Variants in MSANTD7 observed in about 807,000 individuals in gnomAD.
The protein encoded by MSANTD7 is Myb/SANT DNA binding domain containing 7, also known as zinc finger and SCAN domain containing 29.
chr10:14,845,587 CTAT>C, the MSANTD7 span: 20 of 928,362 alleles, frequency 2.2e-5, no homozygotes, highest in African/African-American at 2.5e-4. Context: ...TTGCCCTTTT[CTAT>C]TATTATTATT....
chr10:14,842,370 A>G, the MSANTD7 span: 2 of 1,536,174 alleles, frequency 1.3e-6, no homozygotes, highest in Non-Finnish European at 1.7e-6. The surrounding 1 kb of genome is among the most constrained non-coding windows in gnomAD (Gnocchi z 5.2). Context: ...GAGGCAGAGT[A>G]TATTCAGCGC....
At chr10:14,843,335 A>T in the MSANTD7 span, 3 of 1,549,866 alleles carry the variant, frequency 1.9e-6, no homozygotes, top group African/African-American at 4.1e-5. Context: ...CTTAGCAGGA[A>T]TGTTCTCTTT....
the MSANTD7 span, chr10:14,845,655 G>A: frequency 4.1e-6 from 2 of 490,232 alleles, no homozygotes; most frequent in South Asian, 8.7e-5. Flanking sequence ...GTGCAGTGGT[G>A]CAATCTTGGC....
chr10:14,843,554 G>A, the MSANTD7 span: 1 of 1,550,674 alleles, frequency 6.4e-7, no homozygotes, highest in East Asian at 2.4e-5. Flanking sequence ...TCCTCTTCGA[G>A]AGCTGGTTTT....
chr10:14,838,608 G>T, the MSANTD7 span: 1 of 725,050 alleles, frequency 1.4e-6, no homozygotes, highest in South Asian at 2.0e-5. Flanking sequence ...GCGAAGGGCC[G>T]GGCAGGCCCG....
At chr10:14,839,566 G>A in the MSANTD7 span, among the ~76,000 whole-genome samples, 29 of 149,268 alleles carry the variant, frequency 1.9e-4, no homozygotes, top group South Asian at 2.3e-3. Context: ...GCAAGACTCC[G>A]TGTCCAAAAA....
chr10:14,839,592 T>C, the MSANTD7 span, among the ~76,000 whole-genome samples: 2 of 144,350 alleles, frequency 1.4e-5, no homozygotes, highest in Admixed American at 1.4e-4. Flanking sequence ...AAAAAAGAAA[T>C]GGTAATGGTA....
At chr10:14,840,195 G>T in the MSANTD7 span, 1 of 992,344 alleles carries the variant, frequency 1.0e-6, no homozygotes. Context: ...ATGGTAATAG[G>T]AACATGTTCA....
At chr10:14,844,392 A>T in the MSANTD7 span, 2 of 995,190 alleles carry the variant, frequency 2.0e-6, no homozygotes, top group Non-Finnish European at 2.4e-6. Context: ...ATATACTGTG[A>T]CTTCATTGCT....
chr10:14,843,714 G>T, the MSANTD7 span: 1 of 1,538,838 alleles, frequency 6.5e-7, no homozygotes. Flanking sequence ...AAGAAAAACT[G>T]GACAGGCTGA....
At chr10:14,840,054 ATATATTAT>A in the MSANTD7 span, 1 of 1,209,716 alleles carries the variant, frequency 8.3e-7, no homozygotes, top group Non-Finnish European at 1.1e-6. Flanking sequence ...ATATATATAT[ATATATTAT>A]TTTTTTTTTC....
chr10:14,843,870 G>A, the MSANTD7 span: 6 of 1,536,414 alleles, frequency 3.9e-6, 1 homozygote, highest in South Asian at 7.1e-5. Flanking sequence ...TGCTTCAGAG[G>A]TTGATTTCGA....
the MSANTD7 span, chr10:14,844,129 GA>G: frequency 1.5e-6 from 2 of 1,345,124 alleles, no homozygotes; most frequent in Non-Finnish European, 1.9e-6. Flanking sequence ...CCACGTTCTA[GA>G]CAGCTGGTTC....
chr10:14,839,151 C>T, the MSANTD7 span, among the ~76,000 whole-genome samples: 1 of 152,188 alleles, frequency 6.6e-6, no homozygotes, highest in Non-Finnish European at 1.5e-5. Flanking sequence ...GACTTGTGGC[C>T]TTTCTCTCAT....
At chr10:14,844,613 A>G in the MSANTD7 span, 1 of 985,242 alleles carries the variant, frequency 1.0e-6, no homozygotes, top group South Asian at 4.7e-5. Flanking sequence ...ACTGGTTCTT[A>G]GTCTCCTATC....
the MSANTD7 span, among the ~76,000 whole-genome samples, chr10:14,839,085 C>T: frequency 6.6e-6 from 1 of 152,154 alleles, no homozygotes. Context: ...GCTGTGAAGC[C>T]AGTTGATGGT....
the MSANTD7 span, among the ~76,000 whole-genome samples, chr10:14,843,183 GT>G: frequency 1.3e-5 from 2 of 152,326 alleles, no homozygotes; most frequent in East Asian, 3.9e-4. Flanking sequence ...CAAGGGAGAA[GT>G]TTTAGAGGTG....
At chr10:14,839,618 A>G in the MSANTD7 span, among the ~76,000 whole-genome samples, 18 of 151,980 alleles carry the variant, frequency 1.2e-4, no homozygotes, top group Non-Finnish European at 2.1e-4. Flanking sequence ...GAAGAGAGGT[A>G]GGAAAGGTAA....
At chr10:14,846,944 T>C in the MSANTD7 span, 1 of 985,440 alleles carries the variant, frequency 1.0e-6, no homozygotes, top group Non-Finnish European at 1.2e-6. Flanking sequence ...CTCACCACCT[T>C]TGTTTTTCTG....
Sources: gnomAD v4.1 joint callset for allele counts (sites outside exome capture counted in the v4.1 genomes callset) on GRCh38, gnomAD v4.1.1 for gene constraint, Gnocchi (gnomAD v3.1) non-coding constraint, MANE v1.5 for transcripts, NCBI Gene and HGNC (gene_info 2026-07-23, HGNC 2026-07-21) for gene names.